PLPPR5: variants seen among roughly 807,000 people sequenced by gnomAD.
PLPPR5 encodes phospholipid phosphatase-related protein type 5.
A neutral mutation model predicts 33.9 loss-of-function variants in PLPPR5; 16 were observed. The ratio of observed to expected loss-of-function variants is 0.47; its 90% CI spans 0.32 to 0.72. PLPPR5 has a LOEUF of 0.72. PLPPR5 is among the 30% of genes least tolerant of loss of function. The pLI, the probability that PLPPR5 is intolerant of heterozygous loss-of-function variation, is 0.03. For missense variants in PLPPR5, 301 were observed against 406.7 expected (o/e 0.74, Z 2.23); for synonymous variants, 163 against 150.3 (o/e 1.08, Z -0.62).
rs180698591 is a variant in PLPPR5 at position 99,004,226 on chromosome 1, G to T, written c.237+209C>A. 2.2e-5 allele frequency: 12 copies of T among 545,740 alleles called. 2 individuals are homozygous for T. The highest frequency in any genetic ancestry group is 1.2e-4 in the South Asian group (5 of 41,302). 33.8% of individuals were successfully genotyped at this position (545,740 alleles called of 1,614,324 possible). A position where few individuals can be genotyped will look rare whatever the true frequency, so the allele number is the denominator to read the frequency against. On this transcript the variant is annotated intron_variant, in intron 1 of 5. Transcript: ENST00000263177. ...CAACGCTGAAGCCACCGCGGGGTGT[G>T]GGGGGGTGACGTGTGGGAAGAGCTG...
chr1:98,903,406 G>A lies in PLPPR5; in HGVS notation c.934-10302C>T, dbSNP rs181236574. ...TAAATAGATTGCCAGAGTTACTCAC[G>A]CACAGCATTCTGAAACCTCAAAGGA... On this transcript the variant is annotated intron_variant, in intron 5 of 5. Transcript: ENST00000263177. 5.9e-5 allele frequency among the ~76,000 whole-genome samples: 9 copies of A among 152,128 alleles called. No individual in the cohort carries two copies. In the East Asian group the frequency reaches 9.7e-4, roughly 16 times the overall value.
chr1:98,915,631 C>G (rs1004678363), intron 4 of PLPPR5, among the ~76,000 whole-genome samples: 1 of 151,812 alleles, frequency 6.6e-6, no homozygotes, highest in Non-Finnish European at 1.5e-5. Flanking sequence ...AAAATTGACC[C>G]TTGTTTCAAT....
chr1:98,918,124 A>AT (rs1240153295), intron 4 of PLPPR5, among the ~76,000 whole-genome samples: 3 of 151,984 alleles, frequency 2.0e-5, no homozygotes, highest in Non-Finnish European at 4.4e-5. Context: ...ATTCTTGTTC[A>AT]TTTTCACTCT....
intron 5 of PLPPR5, among the ~76,000 whole-genome samples, chr1:98,912,039 G>T (rs1649170824): frequency 1.3e-5 from 2 of 152,210 alleles, no homozygotes; most frequent in Non-Finnish European, 2.9e-5. Context: ...AAAGCGCTGG[G>T]ATTACAAGCA....
chr1:98,998,355 A>C (rs1231357640), intron 1 of PLPPR5, among the ~76,000 whole-genome samples: 1 of 152,174 alleles, frequency 6.6e-6, no homozygotes, highest in Non-Finnish European at 1.5e-5. Context: ...TGCTTATAGC[A>C]CTGTAGTAGT....
intron 1 of PLPPR5, among the ~76,000 whole-genome samples, chr1:98,979,155 A>G (rs1167886764): frequency 6.6e-6 from 1 of 152,030 alleles, no homozygotes; most frequent in African/African-American, 2.4e-5. Context: ...TTAGCTTCTC[A>G]TTTAGGTTAT....
At chr1:98,990,353 A>G (rs1652410331) in intron 1 of PLPPR5, among the ~76,000 whole-genome samples, 1 of 152,172 alleles carries the variant, frequency 6.6e-6, no homozygotes, top group Admixed American at 6.6e-5. Context: ...TGGGTGACAG[A>G]GTAAGGAGGC....
At chr1:98,938,902 G>A (rs1650276990) in intron 3 of PLPPR5, among the ~76,000 whole-genome samples, 1 of 152,112 alleles carries the variant, frequency 6.6e-6, no homozygotes, top group Non-Finnish European at 1.5e-5. Context: ...AATACCACAT[G>A]TTCTCACTTA....
intron 1 of PLPPR5, among the ~76,000 whole-genome samples, chr1:98,986,818 T>G (rs1652280183): frequency 6.6e-6 from 1 of 151,866 alleles, no homozygotes; most frequent in African/African-American, 2.4e-5. Flanking sequence ...AAGGTTTTCT[T>G]GGAGAGTTGA....
At chr1:98,893,160 A>G (rs1648345860) in intron 5 of PLPPR5, 56 bp from the exon 6 acceptor site, 1 of 1,514,768 alleles carries the variant, frequency 6.6e-7, no homozygotes, top group Admixed American at 1.7e-5. Context: ...TAGCTTTGTA[A>G]AATATGTAGT....
intron 5 of PLPPR5, among the ~76,000 whole-genome samples, chr1:98,909,893 C>T (rs12092834): frequency 2.5e-3 from 384 of 152,278 alleles, no homozygotes; most frequent in African/African-American, 8.8e-3. Context: ...ATTCTTTTCA[C>T]AAACCAAATG....
chr1:98,984,278 T>C (rs1280508972), intron 1 of PLPPR5, among the ~76,000 whole-genome samples: 1 of 152,064 alleles, frequency 6.6e-6, no homozygotes, highest in East Asian at 1.9e-4. Flanking sequence ...GACCCAACCC[T>C]GCAGTCTTTC....
At chr1:98,951,136 A>T (rs2101208976) in intron 3 of PLPPR5, among the ~76,000 whole-genome samples, 1 of 152,360 alleles carries the variant, frequency 6.6e-6, no homozygotes, top group Admixed American at 6.5e-5. Context: ...TCATACCCAG[A>T]TACAAATATG....
At chr1:98,949,375 A>T (rs373775596) in intron 3 of PLPPR5, among the ~76,000 whole-genome samples, 13 of 152,140 alleles carry the variant, frequency 8.5e-5, no homozygotes, top group African/African-American at 2.2e-4. Context: ...GGAGAGTTCA[A>T]ATTCCTCAGT....
intron 5 of PLPPR5, among the ~76,000 whole-genome samples, chr1:98,912,294 G>A (rs1487876207): frequency 1.3e-5 from 2 of 152,130 alleles, no homozygotes; most frequent in Non-Finnish European, 2.9e-5. Flanking sequence ...ATTATAATAG[G>A]ATATTAGCTA....
intron 1 of PLPPR5, among the ~76,000 whole-genome samples, chr1:98,991,853 A>G (rs1652461811): frequency 6.6e-6 from 1 of 152,090 alleles, no homozygotes; most frequent in South Asian, 2.1e-4. Flanking sequence ...AATGATACAG[A>G]GGCCCAAAAA....
intron 1 of PLPPR5, among the ~76,000 whole-genome samples, chr1:98,974,034 C>T (rs1307284988): frequency 3.3e-5 from 5 of 151,808 alleles, no homozygotes; most frequent in Non-Finnish European, 5.9e-5. Flanking sequence ...ATGCTTAAAG[C>T]CGCGGGAAAG....
At chr1:98,973,743 G>C (rs942757469) in intron 1 of PLPPR5, among the ~76,000 whole-genome samples, 2 of 151,900 alleles carry the variant, frequency 1.3e-5, no homozygotes, top group Admixed American at 1.3e-4. Context: ...TGTACTTGAA[G>C]AACAGCAAGT....
intron 4 of PLPPR5, among the ~76,000 whole-genome samples, chr1:98,919,565 T>C (rs959944148): frequency 1.3e-5 from 2 of 152,182 alleles, no homozygotes; most frequent in African/African-American, 4.8e-5. Context: ...GAAGGCTCCC[T>C]GTGCCTCGTC....
Sources: allele counts gnomAD v4.1 joint callset (sites outside exome capture counted in the v4.1 genomes callset), GRCh38; gene constraint gnomAD v4.1.1; transcripts MANE v1.5; gene names NCBI Gene and HGNC (gene_info 2026-07-23, HGNC 2026-07-21).